Variants in GRM7 observed in about 807,000 individuals in gnomAD.
The protein encoded by GRM7 is glutamate metabotropic receptor 7, also known as metabotropic glutamate receptor 7.
Under a neutral mutation model 84.5 loss-of-function variants are expected in GRM7, and 35 were observed. The ratio of observed to expected loss-of-function variants is 0.41; its 90% CI spans 0.32 to 0.55. The LOEUF is 0.55. GRM7 is among the 20% of genes least tolerant of loss of function. GRM7 has a pLI of 0.19. For missense variants in GRM7, 1,003 were observed against 1,194.6 expected, an observed-to-expected ratio of 0.84 and a Z score of 2.36; for synonymous variants, 487 against 455.1, an observed-to-expected ratio of 1.07 and a Z score of -0.89.
Position 7,352,057 on chromosome 3 carries a change from CCACACACACACACACACA to C in GRM7, c.1033+45431_1033+45448del, listed in dbSNP as rs56873432. On this transcript the variant is annotated intron_variant, in intron 4 of 9. Coordinates refer to ENST00000357716, the MANE Select transcript of GRM7 (RefSeq NM_000844.4). ...TCTCTCTCTCACACACACACACACA[CCACACACACACACACACA>C]CACACACACACACACACACACACAC... is the stretch of plus-strand genomic sequence containing the variant. Among the ~76,000 whole-genome samples, 7 of 136,964 alleles carry C rather than the reference CCACACACACACACACACA, an allele frequency of 5.1e-5. No homozygotes were observed. In the South Asian group the frequency reaches 7.4e-4, roughly 14 times the overall value. The allele number at this position is 136,964 out of a possible 152,430, so 89.9% of individuals were successfully genotyped here.
intron 4 of GRM7, among the ~76,000 whole-genome samples, chr3:7,412,136 C>T (rs560370541): frequency 6.6e-6 from 1 of 152,058 alleles, no homozygotes; most frequent in South Asian, 2.1e-4. Context: ...TATGATGTGC[C>T]AGGAGCTTTA....
chr3:7,624,239 C>T (rs1423014796), intron 8 of GRM7, among the ~76,000 whole-genome samples: 1 of 152,022 alleles, frequency 6.6e-6, no homozygotes, highest in Non-Finnish European at 1.5e-5. Context: ...GCTGGAGGAT[C>T]AGAATGGGGT....
intron 2 of GRM7, among the ~76,000 whole-genome samples, chr3:7,190,653 G>A (rs551035475): frequency 3.4e-4 from 52 of 152,128 alleles, no homozygotes; most frequent in Non-Finnish European, 7.2e-4. Flanking sequence ...CCATCATTTT[G>A]CAAGCACATT....
At chr3:7,103,634 C>G (rs985173634) in intron 1 of GRM7, among the ~76,000 whole-genome samples, 1 of 151,726 alleles carries the variant, frequency 6.6e-6, no homozygotes, top group African/African-American at 2.4e-5. Flanking sequence ...TTTCCTATCT[C>G]TACTTCCATA....
At chr3:7,632,032 G>A (rs372135751) in intron 8 of GRM7, among the ~76,000 whole-genome samples, 150 of 152,266 alleles carry the variant, frequency 9.9e-4, no homozygotes, top group South Asian at 2.1e-3. Context: ...GAATATAGGC[G>A]TGTTCCAGAA....
rs115086747 is a variant in GRM7, at chr3:7,184,773, C to T, written c.736+38105C>T. Among the ~76,000 whole-genome samples the T allele has an allele frequency of 1.2e-3, 182 of 152,202 alleles. 1 individual carries two copies. The highest frequency in any genetic ancestry group is 4.3e-3 in the African/African-American group (178 of 41,540). On this transcript the variant is annotated intron_variant, in intron 2 of 9. Coordinates refer to ENST00000357716, the MANE Select transcript of GRM7 (RefSeq NM_000844.4). ...TTTATGAACAATGTTGTGGCGGATA[C>T]TCCTTACATTACTCATTTGACATCC...
intron 2 of GRM7, among the ~76,000 whole-genome samples, chr3:7,219,666 A>G (rs999157114): frequency 6.6e-6 from 1 of 152,220 alleles, no homozygotes; most frequent in African/African-American, 2.4e-5. Context: ...TTTTGTGTGC[A>G]TGGGTTAGTG....
chr3:7,542,588 G>A (rs540402638), intron 7 of GRM7, among the ~76,000 whole-genome samples: 28 of 139,266 alleles, frequency 2.0e-4, no homozygotes, highest in South Asian at 6.7e-4. Flanking sequence ...TCACTCTGTC[G>A]CCAGACTGGA....
intron 7 of GRM7, among the ~76,000 whole-genome samples, chr3:7,496,985 A>G (rs1340889237): frequency 1.3e-5 from 2 of 151,914 alleles, no homozygotes; most frequent in Non-Finnish European, 2.9e-5. Context: ...TAGGGTTAAT[A>G]CTAATACATC....
At chr3:7,255,456 C>G (rs984845250) in intron 2 of GRM7, among the ~76,000 whole-genome samples, 2 of 152,186 alleles carry the variant, frequency 1.3e-5, no homozygotes, top group African/African-American at 2.4e-5. Context: ...GAGCACATTG[C>G]TTTGACAATC....
intron 1 of GRM7, among the ~76,000 whole-genome samples, chr3:7,010,084 G>A (rs1362767694): frequency 2.6e-5 from 4 of 152,128 alleles, no homozygotes; most frequent in Non-Finnish European, 5.9e-5. Flanking sequence ...TACAGCTAAG[G>A]AGCAGGGTGT....
intron 1 of GRM7, among the ~76,000 whole-genome samples, chr3:6,935,858 G>C (rs1284429035): frequency 6.6e-6 from 1 of 151,952 alleles, no homozygotes; most frequent in Admixed American, 6.6e-5. Context: ...AACACGCACG[G>C]CTAATTTTTG....
At chr3:6,990,131 G>A (rs1694580275) in intron 1 of GRM7, among the ~76,000 whole-genome samples, 1 of 152,216 alleles carries the variant, frequency 6.6e-6, no homozygotes, top group Non-Finnish European at 1.5e-5. Flanking sequence ...GTGGATGTTA[G>A]AGACAGGCAG....
intron 7 of GRM7, among the ~76,000 whole-genome samples, chr3:7,497,088 C>T (rs970331636): frequency 2.0e-4 from 27 of 132,254 alleles, no homozygotes; most frequent in Non-Finnish European, 1.8e-5. Context: ...AGAAGGCCAT[C>T]AGGTTATTTA....
chr3:6,954,286 A>G (rs1273338208), intron 1 of GRM7, among the ~76,000 whole-genome samples: 3 of 152,190 alleles, frequency 2.0e-5, no homozygotes, highest in Non-Finnish European at 2.9e-5. Flanking sequence ...TGTTAACTAT[A>G]GTCACCCTAC....
At chr3:7,399,229 T>G (rs2125154794) in intron 4 of GRM7, among the ~76,000 whole-genome samples, 1 of 151,798 alleles carries the variant, frequency 6.6e-6, no homozygotes, top group Middle Eastern at 3.4e-3. Flanking sequence ...TCCTCAACAT[T>G]TTCTGGAATC....
At chr3:7,264,842 G>T (rs1000447247) in intron 2 of GRM7, among the ~76,000 whole-genome samples, 1 of 144,666 alleles carries the variant, frequency 6.9e-6, no homozygotes, top group African/African-American at 2.6e-5. Context: ...GTTACCTCGG[G>T]TCTCCTAGAG....
intron 1 of GRM7, among the ~76,000 whole-genome samples, chr3:7,125,917 G>T (rs1350510541): frequency 6.6e-6 from 1 of 152,252 alleles, no homozygotes; most frequent in Admixed American, 6.5e-5. Flanking sequence ...GGCTTGCTTT[G>T]CTTCTGTTGA....
chr3:7,410,050 C>A (rs150773544), intron 4 of GRM7, among the ~76,000 whole-genome samples: 235 of 152,244 alleles, frequency 1.5e-3, no homozygotes, highest in African/African-American at 5.4e-3. Context: ...CTTGTGTCCA[C>A]CCTGACAACC....
Sources: allele counts gnomAD v4.1 joint callset (sites outside exome capture counted in the v4.1 genomes callset), GRCh38; gene constraint gnomAD v4.1.1; transcripts MANE v1.5; gene names NCBI Gene and HGNC (gene_info 2026-07-23, HGNC 2026-07-21).